Variants in MTRF1 observed in about 807,000 individuals in gnomAD.
MTRF1 encodes the protein mitochondrial translation release factor 1, also known as peptide chain release factor 1, mitochondrial.
A neutral mutation model predicts 62.9 loss-of-function variants in MTRF1; 51 were observed. The ratio of observed to expected loss-of-function variants is 0.81; its 90% confidence interval spans 0.65 to 1.02. The LOEUF (loss-of-function observed/expected upper bound fraction) is 1.02. Ranked by LOEUF, MTRF1 falls within the 50% of genes least tolerant of loss-of-function variation. MTRF1 has a pLI of 0.00. For missense variants in MTRF1, 446 were observed against 530.0 expected (o/e 0.84, Z 1.56); for synonymous variants, 158 against 181.9 (o/e 0.87, Z 1.06).
intron 2 of MTRF1, 128 bp downstream of exon 2, chr13:41,260,365 A>G (rs2040303349): frequency 2.0e-6 from 2 of 992,972 alleles, no homozygotes; most frequent in Non-Finnish European, 2.9e-6. Context: ...TGGGAAAAAA[A>G]AAACAAAGAC....
chr13:41,230,563 CTT>C (rs74788525), intron 7 of MTRF1, among the ~76,000 whole-genome samples: 34 of 131,356 alleles, frequency 2.6e-4, no homozygotes, highest in Non-Finnish European at 3.0e-4. Context: ...TGCACCGGGC[CTT>C]TTTTTTTTTT....
the MTRF1 span, among the ~76,000 whole-genome samples, chr13:41,280,311 C>G: frequency 3.3e-5 from 5 of 152,184 alleles, no homozygotes; most frequent in Admixed American, 6.6e-5. Flanking sequence ...AATTGTCAAC[C>G]AGAAAATGTT....
chr13:41,266,022 G>T (rs916456839), upstream of MTRF1, among the ~76,000 whole-genome samples: 4 of 152,028 alleles, frequency 2.6e-5, no homozygotes, highest in African/African-American at 9.7e-5. Context: ...GCTAATTTTT[G>T]TATTTTTAGT....
rs1487695392 is a variant in MTRF1, at chr13:41,260,677, T to C, written c.231A>G (p.Lys77=). 1 of 1,614,218 alleles carries C rather than the reference T, an allele frequency of 6.2e-7. No homozygotes were observed. Among genetic ancestry groups the C allele is most frequent in the South Asian group, 1.1e-5 (1 of 91,080 alleles). The change falls in exon 2 of 10, where the codon AAA becomes AAG. Residue 77 remains lysine, a synonymous_variant. Coordinates refer to ENST00000379480, the MANE Select transcript of MTRF1 (RefSeq NM_004294.4). ...ACTCCTTACTCAGGTTCTCCATATA[T>C]TTCTGTAGTGCTTTATGCTTCCAGA... is the stretch of plus-strand genomic sequence containing the variant. ...KMLWKHKALQ[K]YMENLSKEYQ...
At chr13:41,284,025 C>T in the MTRF1 span, among the ~76,000 whole-genome samples, 4 of 139,478 alleles carry the variant, frequency 2.9e-5, no homozygotes, top group Non-Finnish European at 4.8e-5. Flanking sequence ...TCAGGTAAGA[C>T]GCAACCACAT....
chr13:41,311,941 C>G, the MTRF1 span, among the ~76,000 whole-genome samples: 3 of 152,242 alleles, frequency 2.0e-5, no homozygotes, highest in East Asian at 3.9e-4. Flanking sequence ...GGGATCCTCC[C>G]CCGGTGGTTT....
At chr13:41,302,953 A>G in the MTRF1 span, among the ~76,000 whole-genome samples, 2 of 152,190 alleles carry the variant, frequency 1.3e-5, no homozygotes, top group African/African-American at 2.4e-5. Flanking sequence ...CCAGCTATTC[A>G]AGAGAGCACC....
At chr13:41,309,341 AGTGTGTGT>A in the MTRF1 span, among the ~76,000 whole-genome samples, 434 of 135,618 alleles carry the variant, frequency 3.2e-3, 1 homozygote, top group South Asian at 6.1e-3. Flanking sequence ...ATGCCCAGCT[AGTGTGTGT>A]GTGTGTGTGT....
the MTRF1 span, chr13:41,311,416 A>G: frequency 9.6e-7 from 1 of 1,036,666 alleles, no homozygotes; most frequent in Non-Finnish European, 1.4e-6. Context: ...GAACTAATCC[A>G]TCGCCCGCAG....
At chr13:41,304,415 C>T in the MTRF1 span, among the ~76,000 whole-genome samples, 233 of 152,338 alleles carry the variant, frequency 1.5e-3, 2 homozygotes, top group African/African-American at 5.2e-3. Flanking sequence ...GCTGGAACTA[C>T]AGACGTGTGC....
At chr13:41,251,102 A>G (rs1421226521) in intron 5 of MTRF1, among the ~76,000 whole-genome samples, 8 of 152,218 alleles carry the variant, frequency 5.3e-5, no homozygotes, top group African/African-American at 1.9e-4. Context: ...AGTAATATCT[A>G]TTTCACAAGG....
At chr13:41,273,715 C>T in the MTRF1 span, among the ~76,000 whole-genome samples, 26 of 151,866 alleles carry the variant, frequency 1.7e-4, no homozygotes, top group East Asian at 7.8e-4. Context: ...TGCACACCTG[C>T]AATCCCAGCT....
At chr13:41,261,896 T>A in intron 1 of MTRF1, 1 of 424,494 alleles carries the variant, frequency 2.4e-6, no homozygotes, top group Non-Finnish European at 3.1e-6. Context: ...ACAGTTATAT[T>A]AAATGGTGAC....
chr13:41,296,175 G>T, the MTRF1 span, among the ~76,000 whole-genome samples: 2 of 152,052 alleles, frequency 1.3e-5, no homozygotes, highest in South Asian at 4.1e-4. Context: ...TGAACTTCTG[G>T]CCTCAAGCAA....
chr13:41,269,198 G>GTTTTTTTTTTTTTT, the MTRF1 span, among the ~76,000 whole-genome samples: 3 of 50,556 alleles, frequency 5.9e-5, no homozygotes, highest in Non-Finnish European at 9.1e-5. Flanking sequence ...TTTTTTTTTT[G>GTTTTTTTTTTTTTT]GTTTTTTTTT....
At chr13:41,271,092 C>CACACA in the MTRF1 span, among the ~76,000 whole-genome samples, 96 of 133,746 alleles carry the variant, frequency 7.2e-4, no homozygotes, top group African/African-American at 2.7e-3. Flanking sequence ...CACACACACA[C>CACACA]CCCATATAGC....
the MTRF1 span, among the ~76,000 whole-genome samples, chr13:41,268,998 G>T: frequency 6.8e-6 from 1 of 146,698 alleles, no homozygotes; most frequent in African/African-American, 2.5e-5. Flanking sequence ...TGGACTTTCT[G>T]GTTTGACGTG....
intron 2 of MTRF1, among the ~76,000 whole-genome samples, chr13:41,259,712 A>AAC (rs2040193345): frequency 7.3e-6 from 1 of 136,714 alleles, no homozygotes. Flanking sequence ...AAAAAAAAAA[A>AAC]AAAAAAAAAC....
At chr13:41,299,455 T>C in the MTRF1 span, among the ~76,000 whole-genome samples, 2 of 152,136 alleles carry the variant, frequency 1.3e-5, no homozygotes, top group African/African-American at 4.8e-5. Flanking sequence ...ATTTTGGCCA[T>C]TGTAACTTGG....
Sources: allele counts gnomAD v4.1 joint callset (sites outside exome capture counted in the v4.1 genomes callset), GRCh38; gene constraint gnomAD v4.1.1; transcripts MANE v1.5; gene names NCBI Gene and HGNC (gene_info 2026-07-23, HGNC 2026-07-21).